The following FHIT variants were observed in gnomAD, a reference collection of about 807,000 sequenced individuals.
The protein encoded by FHIT is fragile histidine triad diadenosine triphosphatase.
A neutral mutation model predicts 17.9 loss-of-function variants in FHIT; 19 were observed. The observed-to-expected ratio is 1.06, with a 90% confidence interval of 0.74 to 1.56. The LOEUF (loss-of-function observed/expected upper bound fraction) is 1.56, where lower values mean the gene tolerates loss of function less well. FHIT is among the 40% of genes most tolerant of loss of function. The pLI is 0.00. For synonymous variants in FHIT, 81 were observed against 69.7 expected, an observed-to-expected ratio of 1.16 and a Z score of -0.81; for missense variants, 248 against 189.2, an observed-to-expected ratio of 1.31 and a Z score of -1.82.
At chr3:60,132,220 T>C (rs983552188) in intron 5 of FHIT, among the ~76,000 whole-genome samples, 2 of 152,186 alleles carry the variant, frequency 1.3e-5, no homozygotes, top group African/African-American at 4.8e-5. Context: ...GATTGATCAT[T>C]GTGTTATCCA....
chr3:60,760,725 G>A (rs1553719593), intron 4 of FHIT, among the ~76,000 whole-genome samples: 1 of 152,106 alleles, frequency 6.6e-6, no homozygotes, highest in African/African-American at 2.4e-5. Context: ...AGAAGACATG[G>A]CAACTTGAAA....
At chr3:61,210,206 G>C (rs1394382512) in intron 1 of FHIT, among the ~76,000 whole-genome samples, 2 of 152,220 alleles carry the variant, frequency 1.3e-5, no homozygotes, top group Non-Finnish European at 2.9e-5. Flanking sequence ...TGAGGTGTTA[G>C]AACGCCCCTA....
At chr3:60,267,210 C>T (rs1173880800) in intron 5 of FHIT, among the ~76,000 whole-genome samples, 1 of 151,666 alleles carries the variant, frequency 6.6e-6, no homozygotes, top group Non-Finnish European at 1.5e-5. Flanking sequence ...GAGATAAATA[C>T]TAAAATAATC....
At chr3:60,896,949 A>G (rs1215601616) in intron 3 of FHIT, among the ~76,000 whole-genome samples, 1 of 152,182 alleles carries the variant, frequency 6.6e-6, no homozygotes, top group Non-Finnish European at 1.5e-5. Context: ...CCAATTTCAT[A>G]TCTTCTAGTT....
chr3:60,789,094 A>G (rs1700682112), intron 4 of FHIT, among the ~76,000 whole-genome samples: 1 of 150,584 alleles, frequency 6.6e-6, no homozygotes, highest in African/African-American at 2.5e-5. Flanking sequence ...GAGAGAGATG[A>G]GAGTTGAATA....
rs529542505 is a variant in FHIT, at chr3:60,282,340, A to G, written c.103+254520T>C. Among the ~76,000 whole-genome samples, 126 of 152,274 alleles carry G rather than the reference A, an allele frequency of 8.3e-4. 2 individuals carry two copies. Among genetic ancestry groups the G allele is most frequent in the African/African-American group, 2.8e-3 (117 of 41,562 alleles). ...TCTTTAAAAGAACTCTTATGCCATA[A>G]AAAGGTGTGGAGGCACCTTACAGAC... is the stretch of plus-strand genomic sequence containing the variant. On this transcript the variant is annotated intron_variant, in intron 5 of 9. Coordinates refer to ENST00000492590, the MANE Select transcript of FHIT (RefSeq NM_002012.4).
intron 5 of FHIT, among the ~76,000 whole-genome samples, chr3:60,313,777 T>A (rs1180491739): frequency 2.6e-5 from 4 of 152,152 alleles, no homozygotes; most frequent in African/African-American, 9.7e-5. Flanking sequence ...TGAGGTTAGA[T>A]CTTTCTAATC....
chr3:59,915,523 T>A (rs187236919), intron 8 of FHIT, among the ~76,000 whole-genome samples: 21 of 152,326 alleles, frequency 1.4e-4, no homozygotes, highest in Non-Finnish European at 2.5e-4. Flanking sequence ...CAAGCACTCT[T>A]CAGCCTTCTT....
intron 5 of FHIT, among the ~76,000 whole-genome samples, chr3:60,214,678 G>A (rs557460620): frequency 6.6e-6 from 1 of 152,150 alleles, no homozygotes; most frequent in Non-Finnish European, 1.5e-5. Context: ...ATAACCAAAG[G>A]AAAATAAATC....
At chr3:59,896,539 C>A (rs1559708327) in intron 8 of FHIT, among the ~76,000 whole-genome samples, 1 of 152,120 alleles carries the variant, frequency 6.6e-6, no homozygotes. Context: ...TAGTATAAAT[C>A]TCCCTCGTTC....
intron 5 of FHIT, among the ~76,000 whole-genome samples, chr3:60,228,290 T>C (rs1704311761): frequency 6.6e-6 from 1 of 152,104 alleles, no homozygotes; most frequent in Non-Finnish European, 1.5e-5. Context: ...AAATTAGTGG[T>C]TGCCAGGGAC....
chr3:60,007,308 G>C (rs751940916), intron 7 of FHIT, among the ~76,000 whole-genome samples: 2 of 152,174 alleles, frequency 1.3e-5, no homozygotes, highest in African/African-American at 2.4e-5. Context: ...TTGAGAACTT[G>C]ATTCGTGGAA....
chr3:60,299,642 G>T (rs1421221204), intron 5 of FHIT, among the ~76,000 whole-genome samples: 2 of 152,030 alleles, frequency 1.3e-5, no homozygotes, highest in South Asian at 2.1e-4. Flanking sequence ...GGAGGAAAAG[G>T]TACTTCTCTA....
intron 5 of FHIT, among the ~76,000 whole-genome samples, chr3:60,017,766 C>T (rs1041211682): frequency 1.3e-5 from 2 of 152,178 alleles, no homozygotes; most frequent in African/African-American, 4.8e-5. Context: ...ACATGCCAAG[C>T]CCTATGCTGA....
chr3:60,282,764 A>G (rs1707522567), intron 5 of FHIT, among the ~76,000 whole-genome samples: 1 of 152,154 alleles, frequency 6.6e-6, no homozygotes. Flanking sequence ...AAGCTGTTCT[A>G]AAAAATAAAG....
chr3:61,114,072 CA>C (rs1386103673), intron 2 of FHIT, among the ~76,000 whole-genome samples: 2 of 152,130 alleles, frequency 1.3e-5, no homozygotes, highest in Non-Finnish European at 2.9e-5. Context: ...CTACTGGGCA[CA>C]AAAGCATATG....
At chr3:59,940,412 T>G (rs1706456852) in intron 7 of FHIT, among the ~76,000 whole-genome samples, 1 of 152,204 alleles carries the variant, frequency 6.6e-6, no homozygotes, top group African/African-American at 2.4e-5. Flanking sequence ...TCTAATTTAC[T>G]AAATGGGAAC....
At chr3:60,372,611 C>G (rs1045911624) in intron 5 of FHIT, among the ~76,000 whole-genome samples, 6 of 152,168 alleles carry the variant, frequency 3.9e-5, no homozygotes, top group African/African-American at 1.4e-4. Context: ...AATGAACAAA[C>G]AATCGAAAGC....
intron 4 of FHIT, among the ~76,000 whole-genome samples, chr3:60,785,525 C>T (rs1700537172): frequency 6.6e-6 from 1 of 152,130 alleles, no homozygotes; most frequent in Non-Finnish European, 1.5e-5. Flanking sequence ...ACTATTGCAG[C>T]CTGGCTCTCT....
Sources: allele counts gnomAD v4.1 joint callset (sites outside exome capture counted in the v4.1 genomes callset), GRCh38; gene constraint gnomAD v4.1.1; transcripts MANE v1.5; gene names NCBI Gene and HGNC (gene_info 2026-07-23, HGNC 2026-07-21).